SZT2: variants seen among roughly 807,000 people sequenced by gnomAD.
The protein encoded by SZT2 is KICSTOR complex protein SZT2.
Under a neutral mutation model 404.2 loss-of-function variants are expected in SZT2, and 216 were observed. The observed-to-expected ratio is 0.53, with a 90% CI of 0.48 to 0.60. The LOEUF (loss-of-function observed/expected upper bound fraction) is 0.60, where lower values mean the gene tolerates loss of function less well. Ranked by LOEUF, SZT2 falls within the 20% of genes least tolerant of loss-of-function variation. The pLI, the probability that SZT2 is intolerant of heterozygous loss-of-function variation, is 0.00. For synonymous variants in SZT2, 1,693 were observed against 1,749.9 expected (o/e 0.97, Z 0.81); for missense variants, 3,857 against 4,459.2 (o/e 0.86, Z 3.85).
Position 43,427,053 on chromosome 1 carries a change from C to T in SZT2, c.3310-3C>T. The T allele has an allele frequency of 1.9e-6, 3 of 1,614,094 alleles. No individual in the cohort carries two copies. The highest frequency in any genetic ancestry group is 2.5e-6 in the Non-Finnish European group (3 of 1,179,968). ...TGCTCTAATTTCTGTTTTTCTCTTACAGAGTGTAGGTCTTCCTGAAACTCT... is the reference window on the plus strand; with the variant it reads ...TGCTCTAATTTCTGTTTTTCTCTTATAGAGTGTAGGTCTTCCTGAAACTCT... On this transcript the variant is annotated splice_polypyrimidine_tract_variant and splice_region_variant and intron_variant, in intron 23 of 71. Coordinates refer to ENST00000634258, the MANE Select transcript of SZT2 (RefSeq NM_001365999.1).
intron 1 of SZT2, among the ~76,000 whole-genome samples, chr1:43,394,617 G>A (rs1648773161): frequency 6.6e-6 from 1 of 152,228 alleles, no homozygotes; most frequent in Non-Finnish European, 1.5e-5. Context: ...GGTGGCTCAT[G>A]CCTGTAATCC....
chr1:43,392,083 C>CAAAAAAAAAAAA, intron 1 of SZT2, among the ~76,000 whole-genome samples: 1 of 3,378 alleles, frequency 3.0e-4, no homozygotes, highest in African/African-American at 1.6e-3. Context: ...GACTCCGTCT[C>CAAAAAAAAAAAA]AAAAAAAAAA....
rs1652826166 is a variant in SZT2 at position 43,424,007 on chromosome 1, C to CT, written c.2256-210_2256-209insT. Among the ~76,000 whole-genome samples, 2 of 105,014 alleles carry CT rather than the reference C, an allele frequency of 1.9e-5. No individual in the cohort carries two copies. The highest frequency in any genetic ancestry group is 7.6e-5 in the African/African-American group (2 of 26,488). The allele number at this position is 105,014 out of a possible 152,430, so 68.9% of individuals were successfully genotyped here. ...GAGGCATGGAAGGGCGTGGCTTAGC[C>CT]GGGTATGAGTGGTACAGAGGTGTGG... On this transcript the variant is annotated intron_variant, in intron 15 of 71. Coordinates refer to ENST00000634258, the MANE Select transcript of SZT2 (RefSeq NM_001365999.1). The surrounding 1 kb of genome is among the most constrained non-coding windows in gnomAD (Gnocchi z 4.1).
rs756177220 is a variant in SZT2, at chr1:43,442,321, A to C, written c.7927A>C (p.Asn2643His). The C allele has an allele frequency of 6.2e-7, 1 of 1,614,090 alleles. No homozygotes were observed. The highest frequency in any genetic ancestry group is 8.5e-7 in the Non-Finnish European group (1 of 1,180,004). ...AGGAGGTGATGGGAGCTCAGGGCGAAATGCTCCCCGGCAGAGGCTCTTGCT... is the reference window on the plus strand; with the variant it reads ...AGGAGGTGATGGGAGCTCAGGGCGACATGCTCCCCGGCAGAGGCTCTTGCT... ...EPGGDGSSGR[N>H]APRQRLLLLE... The change falls in exon 57 of 72, where the codon AAT (asparagine) becomes CAT (histidine). Residue 2643 changes from asparagine (N) to histidine (H), a missense_variant. Asn to His is a moderately conservative substitution (Grantham distance 68). Transcript: ENST00000634258. This position sits in a 1 kb window ranked among gnomAD's most constrained non-coding sequence, Gnocchi z 4.5.
chr1:43,407,683 A>G lies in SZT2; in HGVS notation c.498+3133A>G, dbSNP rs147186967. Among the ~76,000 whole-genome samples the G allele has an allele frequency of 3.1e-3, 469 of 152,232 alleles. 2 individuals are homozygous for G. The highest frequency in any genetic ancestry group is 0.01 in the Middle Eastern group (3 of 294). ...TCTCAAAAGAAAAAAGTTAATTCAC[A>G]TATATAATACATGTCCACAGAGATT... On this transcript the variant is annotated intron_variant, in intron 4 of 71. Coordinates refer to ENST00000634258, the MANE Select transcript of SZT2 (RefSeq NM_001365999.1).
chr1:43,442,467 C>T lies in SZT2; in HGVS notation c.8000C>T (p.Ala2667Val), dbSNP rs776473532. The change falls in exon 58 of 72, where the codon GCT becomes GTT. Residue 2667 changes from alanine to valine, a missense_variant. This residue lies in a region of SZT2 where 573 missense variants were observed against 592.4 expected (regional missense o/e 0.97). Coordinates refer to ENST00000634258, the MANE Select transcript of SZT2 (RefSeq NM_001365999.1). The surrounding 1 kb of genome is among the most constrained non-coding windows in gnomAD (Gnocchi z 4.5). ...KKLQLLTYNWAPDLGAALGRA... is the reference protein window; with the variant it reads ...KKLQLLTYNWVPDLGAALGRA... ...CTACAGCTGCTGACCTACAACTGGG[C>T]TCCAGACCTGGGGGCAGCATTGGGC... 5.6e-6 allele frequency: 9 copies of T among 1,613,578 alleles called. No individual in the cohort carries two copies. The African/African-American group carries it at 8.0e-5, about 14-fold the overall frequency.
Position 43,425,594 on chromosome 1 carries a change from A to C in SZT2, c.2766A>C (p.Gly922=). ...ATGGGCGAGTGGGACCTGGCCCTGG[A>C]ATCTGGAAGCACCTCCAGGACCTGA... ...PQYGRVGPGP[G]IWKHLQDLTY... is the part of the protein sequence containing the mutation. Residue 922 remains glycine, a synonymous_variant, in exon 19 of 72, where the codon GGA becomes GGC. Coordinates refer to ENST00000634258, the MANE Select transcript of SZT2 (RefSeq NM_001365999.1). This position sits in a 1 kb window ranked among gnomAD's most constrained non-coding sequence, Gnocchi z 4.3. The C allele has an allele frequency of 6.2e-7, 1 of 1,614,130 alleles. No individual in the cohort carries two copies. The highest frequency in any genetic ancestry group is 8.5e-7 in the Non-Finnish European group (1 of 1,180,020).
At position 43,439,226 on chromosome 1, in the gene SZT2, A is replaced by G; in HGVS notation, c.6793-132A>G. On this transcript the variant is annotated intron_variant, in intron 48 of 71. Coordinates refer to ENST00000634258, the MANE Select transcript of SZT2 (RefSeq NM_001365999.1). This position sits in a 1 kb window ranked among gnomAD's most constrained non-coding sequence, Gnocchi z 4.2. The stretch of plus-strand genomic sequence containing the variant: ...TGGGTACACCCATGCCCCCCCGGGG[A>G]CCATTATTACCCGCCTGTGTCTTCT... The G allele has an allele frequency of 1.3e-6, 2 of 1,512,882 alleles. No individual in the cohort carries two copies. Among genetic ancestry groups the G allele is most frequent in the South Asian group, 1.2e-5 (1 of 85,268 alleles). The allele number at this position is 1,512,882 out of a possible 1,614,324, so 93.7% of individuals were successfully genotyped here.
In SZT2 at chr1:43,453,502, A is replaced by G; in HGVS notation, c.*3022A>G. The G allele has an allele frequency of 1.3e-6, 2 of 1,547,952 alleles. No homozygotes were observed. Among genetic ancestry groups the G allele is most frequent in the Non-Finnish European group, 1.7e-6 (2 of 1,144,718 alleles). ...TTTCCCCCTTCTCTTGGTCTCCTGC[A>G]GAGAGAACGGGCCTCAGCCCCCGGC... On this transcript the variant is annotated 3_prime_UTR_variant, in exon 72 of 72. Transcript: ENST00000634258.
chr1:43,414,305 A>T (rs1272060513), intron 4 of SZT2, among the ~76,000 whole-genome samples: 1 of 151,946 alleles, frequency 6.6e-6, no homozygotes, highest in Admixed American at 6.6e-5. Flanking sequence ...AACAAAAAAA[A>T]CTTGAAGTGG....
At chr1:43,417,289 A>T (rs945751093) in intron 7 of SZT2, among the ~76,000 whole-genome samples, 2 of 152,176 alleles carry the variant, frequency 1.3e-5, no homozygotes, top group Admixed American at 1.3e-4. Context: ...GGATTGAGAA[A>T]AATGAAGAGG....
Position 43,450,719 on chromosome 1 carries a change from C to T in SZT2, c.*239C>T, listed in dbSNP as rs1656291692. 5.7e-6 allele frequency: 4 copies of T among 705,664 alleles called. No individual in the cohort carries two copies. The highest frequency in any genetic ancestry group is 1.0e-5 in the Non-Finnish European group (4 of 401,676). 43.7% of individuals were successfully genotyped at this position (705,664 alleles called of 1,614,324 possible). On this transcript the variant is annotated 3_prime_UTR_variant, in exon 72 of 72. Coordinates refer to ENST00000634258, the MANE Select transcript of SZT2 (RefSeq NM_001365999.1). The surrounding 1 kb of genome is among the most constrained non-coding windows in gnomAD (Gnocchi z 4.3). ...CAGGACTCCAGAGAGTCAGGTCAAC[C>T]CCGAGGACCCCTTGGGCCCTTCTGG...
rs1186073516 is a variant in SZT2, at chr1:43,447,750, A to G, written c.9440+52A>G. 3.1e-6 allele frequency: 5 copies of G among 1,610,608 alleles called. No individual in the cohort carries two copies. The African/African-American group carries it at 5.3e-5, about 17-fold the overall frequency. On this transcript the variant is annotated intron_variant, in intron 67 of 71. Coordinates refer to ENST00000634258, the MANE Select transcript of SZT2 (RefSeq NM_001365999.1). Reference sequence around the variant, plus strand: ...GCACGCTGCAGGAGCTGGGGTTGGGACATACTTGCAGTAGGGAGACCAATG... The same window carrying G: ...GCACGCTGCAGGAGCTGGGGTTGGGGCATACTTGCAGTAGGGAGACCAATG...
chr1:43,453,781 G>A lies in SZT2; in HGVS notation c.*3301G>A. On this transcript the variant is annotated 3_prime_UTR_variant, in exon 72 of 72. Coordinates refer to ENST00000634258, the MANE Select transcript of SZT2 (RefSeq NM_001365999.1). ...AGCCAGGACAGATTGGCGGAGAAGC[G>A]CAGCGGCGCCATGCCTGGGGAGGCC... 1 of 1,285,646 alleles carries A rather than the reference G, an allele frequency of 7.8e-7. No individual in the cohort carries two copies. Among genetic ancestry groups the A allele is most frequent in the South Asian group, 2.7e-5 (1 of 36,968 alleles). The allele number at this position is 1,285,646 out of a possible 1,614,324, so 79.6% of individuals were successfully genotyped here.
chr1:43,399,014 A>G (rs550813141), intron 1 of SZT2, among the ~76,000 whole-genome samples: 3 of 152,220 alleles, frequency 2.0e-5, no homozygotes, highest in Non-Finnish European at 2.9e-5. Flanking sequence ...GAGAAGGCGG[A>G]AGTTGCAGTG....
In SZT2 at chr1:43,426,597, C is replaced by G; in HGVS notation, c.3214+59C>G. On this transcript the variant is annotated intron_variant, in intron 22 of 71. Transcript: ENST00000634258. The surrounding 1 kb of genome is among the most constrained non-coding windows in gnomAD (Gnocchi z 4.9). ...TGGCCCAGCCCTTTTCCCCCACCCT[C>G]ACAGGGTGATTTCTGTCTTTGAGTT... 2.0e-6 allele frequency: 3 copies of G among 1,507,360 alleles called. No homozygotes were observed. Among genetic ancestry groups the G allele is most frequent in the Non-Finnish European group, 2.7e-6 (3 of 1,121,946 alleles). The allele number at this position is 1,507,360 out of a possible 1,614,324, so 93.4% of individuals were successfully genotyped here. A position where few individuals can be genotyped will look rare whatever the true frequency, so the allele number is the denominator to read the frequency against.
Position 43,453,922 on chromosome 1 carries a change from A to G in SZT2, c.*3442A>G. ...ACGAACGAGCACTGTTCGTGGTTAG[A>G]AAAGCGAAGTGCTGTAAAAACCCGG... On this transcript the variant is annotated 3_prime_UTR_variant, in exon 72 of 72. Coordinates refer to ENST00000634258, the MANE Select transcript of SZT2 (RefSeq NM_001365999.1). The G allele has an allele frequency of 8.3e-7, 1 of 1,207,554 alleles. No homozygotes were observed. The highest frequency in any genetic ancestry group is 1.0e-6 in the Non-Finnish European group (1 of 972,678). 74.8% of individuals were successfully genotyped at this position (1,207,554 alleles called of 1,614,324 possible). A position where few individuals can be genotyped will look rare whatever the true frequency, so the allele number is the denominator to read the frequency against.
At position 43,427,434 on chromosome 1, in the gene SZT2, C is replaced by A; in HGVS notation, c.3587C>A (p.Thr1196Asn). 1 of 1,612,530 alleles carries A rather than the reference C, an allele frequency of 6.2e-7. No individual in the cohort carries two copies. Among genetic ancestry groups the A allele is most frequent in the South Asian group, 1.1e-5 (1 of 90,942 alleles). ...TKSHVPVLSV[T>N]LASDNAQNQG... The stretch of plus-strand genomic sequence containing the variant: ...TCCCACGTCCCTGTCCTCAGTGTGA[C>A]CCTGGCTAGTGGTAAGGCTGCCGAC... The change falls in exon 25 of 72, where the codon ACC becomes AAC. Residue 1196 changes from threonine (T) to asparagine (N), a missense_variant. Thr to Asn is a moderately conservative substitution (Grantham distance 65, BLOSUM62 0). Around this residue, in one of 7 missense-constraint regions of SZT2, gnomAD observed 1,725 missense variants for 1,881.0 expected, o/e 0.92. Transcript: ENST00000634258.
rs1557618320 is a variant in SZT2 at position 43,453,572 on chromosome 1, A to AGCCCTCCCG, written c.*3097_*3105dup. The AGCCCTCCCG allele has an allele frequency of 5.1e-6, 7 of 1,378,008 alleles. No homozygotes were observed. In the South Asian group the frequency reaches 6.5e-5, roughly 13 times the overall value. 85.4% of individuals were successfully genotyped at this position (1,378,008 alleles called of 1,614,324 possible). A position where few individuals can be genotyped will look rare whatever the true frequency, so the allele number is the denominator to read the frequency against. On this transcript the variant is annotated 3_prime_UTR_variant, in exon 72 of 72. Coordinates refer to ENST00000634258, the MANE Select transcript of SZT2 (RefSeq NM_001365999.1). The stretch of plus-strand genomic sequence containing the variant: ...CGCCCCGGCACCCCCCAGCCCTCCC[A>AGCCCTCCCG]GCCCTCCCGGCCCGCGACGCACCCG...
Sources: allele counts gnomAD v4.1 joint callset (sites outside exome capture counted in the v4.1 genomes callset), GRCh38; gene constraint gnomAD v4.1.1; regional missense constraint gnomAD v4.1.1; non-coding constraint Gnocchi (gnomAD v3.1); transcripts MANE v1.5; gene names NCBI Gene and HGNC (gene_info 2026-07-23, HGNC 2026-07-21).